SLC25A26: variants seen among roughly 807,000 people sequenced by gnomAD.
SLC25A26 encodes the protein mitochondrial S-adenosylmethionine carrier protein.
SLC25A26 carries 36 observed loss-of-function variants against 37.8 expected under a neutral mutation model. That is an observed-to-expected ratio of 0.95 (90% CI 0.73 to 1.26). The LOEUF (loss-of-function observed/expected upper bound fraction) is 1.26, where lower values mean the gene tolerates loss of function less well. SLC25A26 is among the 50% of genes most tolerant of loss of function. The pLI is 0.00. For missense variants in SLC25A26, 390 were observed against 331.1 expected (o/e 1.18, Z -1.38); for synonymous variants, 129 against 122.5 (o/e 1.05, Z -0.35).
chr3:66,292,313 A>G (rs1191769000), intron 5 of SLC25A26, among the ~76,000 whole-genome samples: 1 of 152,108 alleles, frequency 6.6e-6, no homozygotes, highest in Non-Finnish European at 1.5e-5. Context: ...TAAGATTAAT[A>G]TTGTTATGTG....
At chr3:66,372,267 A>G (rs1047776113) in intron 9 of SLC25A26, among the ~76,000 whole-genome samples, 2 of 152,190 alleles carry the variant, frequency 1.3e-5, no homozygotes, top group Non-Finnish European at 2.9e-5. Flanking sequence ...TGGGCAAACC[A>G]CTTCAATTGA....
At chr3:66,243,097 A>T (rs1412740451) in intron 2 of SLC25A26, 106 bp from the exon 3 acceptor site, 6 of 623,934 alleles carry the variant, frequency 9.6e-6, no homozygotes, top group Non-Finnish European at 1.1e-5. Flanking sequence ...CTTTTCTCTT[A>T]TCTCATAATT....
intron 5 of SLC25A26, among the ~76,000 whole-genome samples, chr3:66,305,699 A>G (rs1038714964): frequency 6.6e-6 from 1 of 151,894 alleles, no homozygotes; most frequent in African/African-American, 2.4e-5. Context: ...AAGTGAGAGC[A>G]TGTGGTATTT....
chr3:66,221,178 T>G, intron 1 of SLC25A26, 51 bp downstream of exon 1: 1 of 1,498,314 alleles, frequency 6.7e-7, no homozygotes, highest in South Asian at 1.2e-5. Context: ...CGTCCGGCAT[T>G]GGAGCCCGCG....
chr3:66,367,673 TAGATAGATAGAC>T (rs2076851853), intron 7 of SLC25A26, among the ~76,000 whole-genome samples: 2 of 139,060 alleles, frequency 1.4e-5, no homozygotes, highest in Non-Finnish European at 3.0e-5. Flanking sequence ...TTGGGGGAGA[TAGATAGATAGAC>T]AGACAGACAG....
intron 5 of SLC25A26, among the ~76,000 whole-genome samples, chr3:66,290,737 C>T (rs2074676763): frequency 1.3e-5 from 2 of 152,052 alleles, no homozygotes; most frequent in South Asian, 4.1e-4. Flanking sequence ...TGAGGATTTT[C>T]ACATTCATGT....
Position 66,377,760 on chromosome 3 carries a change from G to C in SLC25A26, c.778G>C (p.Asp260His), listed in dbSNP as rs1333422175. The change falls in exon 10 of 10, where the codon GAC becomes CAC. Residue 260 changes from aspartate (D) to histidine (H), a missense_variant. Physicochemically the swap from Asp to His is moderately conservative, Grantham distance 81. Transcript: ENST00000354883. ...AGGTTTCATCTTTCTGGGGGCTTATGACCGAACGCACAGCTTGCTGTTGGA... is the reference window on the plus strand; with the variant it reads ...AGGTTTCATCTTTCTGGGGGCTTATCACCGAACGCACAGCTTGCTGTTGGA... ...LGGFIFLGAY[D>H]RTHSLLLEVG... 1 of 1,613,878 alleles carries C rather than the reference G, an allele frequency of 6.2e-7. No homozygotes were observed. The highest frequency in any genetic ancestry group is 8.5e-7 in the Non-Finnish European group (1 of 1,179,882).
At chr3:66,350,720 G>A (rs1001834288) in intron 6 of SLC25A26, among the ~76,000 whole-genome samples, 2 of 151,872 alleles carry the variant, frequency 1.3e-5, no homozygotes, top group African/African-American at 4.8e-5. Context: ...GTGTGAGCGC[G>A]CGCGTGCGCG....
intron 5 of SLC25A26, among the ~76,000 whole-genome samples, chr3:66,335,098 C>G (rs1042848344): frequency 6.6e-6 from 1 of 152,118 alleles, no homozygotes; most frequent in Middle Eastern, 3.2e-3. Flanking sequence ...TGTGTAACAA[C>G]TGGGGAAAAA....
intron 1 of SLC25A26, among the ~76,000 whole-genome samples, chr3:66,139,057 T>C (rs878867796): frequency 4.0e-5 from 6 of 151,822 alleles, no homozygotes; most frequent in Admixed American, 1.3e-4. Flanking sequence ...CCCATCCTCT[T>C]TTCCTCTGCC....
At chr3:66,232,020 T>C (rs2072057617) in intron 1 of SLC25A26, among the ~76,000 whole-genome samples, 1 of 152,188 alleles carries the variant, frequency 6.6e-6, no homozygotes, top group Non-Finnish European at 1.5e-5. Flanking sequence ...GGATGGACTT[T>C]TAGGTTGTTT....
At chr3:66,228,626 T>G (rs1553661867) in intron 1 of SLC25A26, among the ~76,000 whole-genome samples, 1 of 152,206 alleles carries the variant, frequency 6.6e-6, no homozygotes, top group African/African-American at 2.4e-5. Context: ...TTCAGGGATT[T>G]AGAGTCTAGT....
chr3:66,287,778 C>T (rs553154468), intron 5 of SLC25A26, among the ~76,000 whole-genome samples: 1 of 152,178 alleles, frequency 6.6e-6, no homozygotes, highest in Non-Finnish European at 1.5e-5. Flanking sequence ...TTACTGTTTA[C>T]TTTGTGCTGA....
At chr3:66,268,126 A>G (rs2073826412) in intron 5 of SLC25A26, among the ~76,000 whole-genome samples, 1 of 152,208 alleles carries the variant, frequency 6.6e-6, no homozygotes, top group Non-Finnish European at 1.5e-5. Flanking sequence ...TATCTTTTAT[A>G]ATGATTGCAT....
chr3:66,345,895 C>A (rs896399485), intron 5 of SLC25A26, among the ~76,000 whole-genome samples: 15 of 152,178 alleles, frequency 9.9e-5, no homozygotes, highest in African/African-American at 3.6e-4. Flanking sequence ...CCCTTGGGCT[C>A]AAAAACTCAG....
At chr3:66,224,847 C>T (rs1030353659) in intron 1 of SLC25A26, among the ~76,000 whole-genome samples, 1 of 152,182 alleles carries the variant, frequency 6.6e-6, no homozygotes, top group Non-Finnish European at 1.5e-5. Context: ...GAGAGATTGG[C>T]CAAAATGAAG....
chr3:66,345,386 T>A (rs1244810157), intron 5 of SLC25A26, among the ~76,000 whole-genome samples: 2 of 152,008 alleles, frequency 1.3e-5, no homozygotes, highest in African/African-American at 4.8e-5. Context: ...TCCTTGCCTC[T>A]TTTTTCCCTC....
intron 6 of SLC25A26, among the ~76,000 whole-genome samples, chr3:66,353,544 G>C (rs948403001): frequency 6.6e-6 from 1 of 152,128 alleles, no homozygotes; most frequent in Non-Finnish European, 1.5e-5. Context: ...GTTTCATAAC[G>C]TTTTTGTATT....
chr3:66,225,246 T>C (rs941005801), intron 1 of SLC25A26, among the ~76,000 whole-genome samples: 4 of 152,148 alleles, frequency 2.6e-5, no homozygotes, highest in Non-Finnish European at 4.4e-5. Flanking sequence ...GGCCTGGACA[T>C]CCCGACGTTT....
Sources: gnomAD v4.1 joint callset for allele counts (sites outside exome capture counted in the v4.1 genomes callset) on GRCh38, gnomAD v4.1.1 for gene constraint, MANE v1.5 for transcripts, NCBI Gene and HGNC (gene_info 2026-07-23, HGNC 2026-07-21) for gene names.